Variants in ZIC5 observed in about 807,000 individuals in gnomAD.
The protein encoded by ZIC5 is zinc finger protein ZIC 5.
ZIC5 carries 20 observed loss-of-function variants against 28.5 expected under a neutral mutation model. The observed-to-expected ratio is 0.70, with a 90% CI of 0.49 to 1.02. The LOEUF (loss-of-function observed/expected upper bound fraction) is 1.02. ZIC5 is among the 50% of genes least tolerant of loss of function. The pLI is 0.00. For synonymous variants in ZIC5, 488 were observed against 410.4 expected (o/e 1.19, Z -2.29); for missense variants, 951 against 899.7 (o/e 1.06, Z -0.73).
At chr13:99,971,775 A>G, upstream of ZIC5, 1 of 1,455,798 alleles carries the variant, frequency 6.9e-7, no homozygotes, top group Admixed American at 2.1e-5. Flanking sequence ...AGTGAACACC[A>G]CATTTGAGCT....
chr13:99,970,075 G>A, intron 1 of ZIC5, 52 bp downstream of exon 1: 1 of 1,600,118 alleles, frequency 6.2e-7, no homozygotes, highest in African/African-American at 1.4e-5. Flanking sequence ...AAGCGGCGGC[G>A]GCGCAGGAGC....
chr13:99,970,868 G>C lies in ZIC5; in HGVS notation c.736C>G (p.Pro246Ala). The change falls in exon 1 of 2, where the codon CCA (proline) becomes GCA (alanine). Residue 246 changes from proline to alanine, a missense_variant. By Grantham distance (27) the Pro-to-Ala change is conservative (BLOSUM62 -1). Around this residue, in one of 3 missense-constraint regions of ZIC5, gnomAD observed 784 missense variants for 660.1 expected, o/e 1.19. Coordinates refer to ENST00000267294, the MANE Select transcript of ZIC5 (RefSeq NM_033132.5). The stretch of plus-strand genomic sequence containing the variant: ...TTGAGCGGGTGCGGGTGGCCGCCTG[G>C]GGCCCCCGGCGTGTCGTGCAGCGCG... ...FPALHDTPGA[P>A]GGHPHPLNGQ... is the part of the protein sequence containing the mutation. 3 of 1,270,022 alleles carry C rather than the reference G, an allele frequency of 2.4e-6. No homozygotes were observed. The highest frequency in any genetic ancestry group is 3.0e-6 in the Non-Finnish European group (3 of 1,016,184). The allele number at this position is 1,270,022 out of a possible 1,614,324, so 78.7% of individuals were successfully genotyped here. A position where few individuals can be genotyped will look rare whatever the true frequency, so the allele number is the denominator to read the frequency against.
rs749484113 is a variant in ZIC5 at position 99,971,535 on chromosome 13, G to T, written c.69C>A (p.Val23=). ...AGCCTGTCATATTCTGAAGCGGCTG[G>T]ACCTGAGCCGTTGCCAAATCCGCTA... ...LRLADLATAQ[V]QPLQNMTGFP... Residue 23 remains valine (V), a synonymous_variant, in exon 1 of 2, where the codon GTC becomes GTA. Coordinates refer to ENST00000267294, the MANE Select transcript of ZIC5 (RefSeq NM_033132.5). 4.5e-6 allele frequency: 7 copies of T among 1,552,016 alleles called. No individual in the cohort carries two copies. The South Asian group carries it at 5.9e-5, about 13-fold the overall frequency.
In ZIC5 at chr13:99,970,404, C is replaced by T. The variant is rs774077826; in HGVS notation, c.1200G>A (p.Pro400=). 1.6e-6 allele frequency: 2 copies of T among 1,244,848 alleles called. No individual in the cohort carries two copies. Among genetic ancestry groups the T allele is most frequent in the East Asian group, 3.5e-5 (1 of 28,698 alleles). The allele number at this position is 1,244,848 out of a possible 1,614,324, so 77.1% of individuals were successfully genotyped here. A position where few individuals can be genotyped will look rare whatever the true frequency, so the allele number is the denominator to read the frequency against. ...PPPPPPPPPP[P]AGGAKPCSKT... ...TGGAGCAGGGCTTGGCGCCGCCGGC[C>T]GGGGGCGGTGGCGGCGGCGGCGGCG... Residue 400 remains proline (P), a synonymous_variant, in exon 1 of 2, where the codon CCG becomes CCA. Coordinates refer to ENST00000267294, the MANE Select transcript of ZIC5 (RefSeq NM_033132.5).
At position 99,971,339 on chromosome 13, in the gene ZIC5, C is replaced by T; in HGVS notation, c.265G>A (p.Ala89Thr). 1 of 1,406,756 alleles carries T rather than the reference C, an allele frequency of 7.1e-7. No homozygotes were observed. The highest frequency in any genetic ancestry group is 9.2e-7 in the Non-Finnish European group (1 of 1,092,420). 87.1% of individuals were successfully genotyped at this position (1,406,756 alleles called of 1,614,324 possible). A position where few individuals can be genotyped will look rare whatever the true frequency, so the allele number is the denominator to read the frequency against. ...GCGGCTGCCGGAGCCTCCGGGTGTG[C>T]CGGGAACGCCTGGGAGGGAGGGCTG... ...GLSPPSQAFP[A>T]HPEAPAAAAR... The change falls in exon 1 of 2, where the codon GCA (alanine) becomes ACA (threonine). Residue 89 changes from alanine (A) to threonine (T), a missense_variant. Ala to Thr is a moderately conservative substitution (Grantham distance 58). This residue lies in a region of ZIC5 where 784 missense variants were observed against 660.1 expected (regional missense o/e 1.19). Transcript: ENST00000267294.
Position 99,971,033 on chromosome 13 carries a change from C to A in ZIC5, c.571G>T (p.Ala191Ser), listed in dbSNP as rs2053152454. 12 of 1,419,636 alleles carry A rather than the reference C, an allele frequency of 8.5e-6. No individual in the cohort carries two copies. The highest frequency in any genetic ancestry group is 1.1e-5 in the Non-Finnish European group (12 of 1,099,020). The allele number at this position is 1,419,636 out of a possible 1,614,324, so 87.9% of individuals were successfully genotyped here. A position where few individuals can be genotyped will look rare whatever the true frequency, so the allele number is the denominator to read the frequency against. ...ATAPAAAMHG[A>S]PLGGEQRSGT... ...GACCGCTGCTCCCCTCCGAGCGGGG[C>A]CCCGTGCATGGCCGCCGCGGGGGCC... is the stretch of plus-strand genomic sequence containing the variant. The change falls in exon 1 of 2, where the codon GCC (alanine) becomes TCC (serine). Residue 191 changes from alanine to serine, a missense_variant. This residue lies in a region of ZIC5 where 784 missense variants were observed against 660.1 expected (regional missense o/e 1.19). Coordinates refer to ENST00000267294, the MANE Select transcript of ZIC5 (RefSeq NM_033132.5).
Position 99,971,318 on chromosome 13 carries a change from C to G in ZIC5, c.286G>C (p.Ala96Pro). The G allele has an allele frequency of 7.3e-7, 1 of 1,373,454 alleles. No homozygotes were observed. The highest frequency in any genetic ancestry group is 9.3e-7 in the Non-Finnish European group (1 of 1,074,286). The allele number at this position is 1,373,454 out of a possible 1,614,324, so 85.1% of individuals were successfully genotyped here. The change falls in exon 1 of 2, where the codon GCC (alanine) becomes CCC (proline). Residue 96 changes from alanine (A) to proline (P), a missense_variant. By Grantham distance (27) the Ala-to-Pro change is conservative. Transcript: ENST00000267294. The part of the protein sequence containing the change: ...AFPAHPEAPA[A>P]AARAAALVAH... ...ACCAAGGCTGCAGCACGGGCGGCGG[C>G]TGCCGGAGCCTCCGGGTGTGCCGGG...
intron 1 of ZIC5, among the ~76,000 whole-genome samples, chr13:99,968,865 A>G (rs1486718510): frequency 7.2e-5 from 11 of 151,984 alleles, no homozygotes; most frequent in Non-Finnish European, 1.5e-4. Context: ...GGCCCGCAGG[A>G]GCCAAGCCAA....
chr13:99,965,477 G>A lies in ZIC5; in HGVS notation c.1820C>T (p.Ala607Val), dbSNP rs1006847867. ...GGAAGGGGTGTGGAGGTGGCTGGGG[G>A]CCCCACTGGCCTGGCAAACGTACCA... ...NEWYVCQASG[A>V]PSHLHTPSSN... Residue 607 changes from alanine (A) to valine (V), a missense_variant, in exon 2 of 2, where the codon GCC (alanine) becomes GTC (valine). This residue lies in a region of ZIC5 where 108 missense variants were observed against 118.4 expected (regional missense o/e 0.91). Transcript: ENST00000267294. 1.2e-6 allele frequency: 2 copies of A among 1,614,038 alleles called. No individual in the cohort carries two copies. The highest frequency in any genetic ancestry group is 1.3e-5 in the African/African-American group (1 of 75,036).
At chr13:99,969,238 G>A (rs558507895) in intron 1 of ZIC5, among the ~76,000 whole-genome samples, 68 of 152,258 alleles carry the variant, frequency 4.5e-4, no homozygotes, top group African/African-American at 1.6e-3. Flanking sequence ...CGACGCCGGT[G>A]GCTCCCCACC....
Position 99,970,747 on chromosome 13 carries a change from T to C in ZIC5, c.857A>G (p.Asp286Gly). 1.7e-6 allele frequency: 2 copies of C among 1,186,628 alleles called. No homozygotes were observed. Among genetic ancestry groups the C allele is most frequent in the Non-Finnish European group, 1.0e-6 (1 of 959,204 alleles). The allele number at this position is 1,186,628 out of a possible 1,614,324, so 73.5% of individuals were successfully genotyped here. A position where few individuals can be genotyped will look rare whatever the true frequency, so the allele number is the denominator to read the frequency against. Residue 286 changes from aspartate to glycine, a missense_variant, in exon 1 of 2, where the codon GAC becomes GGC. Around this residue, in one of 3 missense-constraint regions of ZIC5, gnomAD observed 784 missense variants for 660.1 expected, o/e 1.19. Coordinates refer to ENST00000267294, the MANE Select transcript of ZIC5 (RefSeq NM_033132.5). ...GGCCGCAACCGCCCCGTAGTGCGCG[T>C]CCCCAGAGCGCGGCGCGAAGGGCGG... ...AEPPFAPRSG[D>G]AHYGAVAAAA...
At chr13:99,970,074 C>A (rs1234637615) in intron 1 of ZIC5, 53 bp downstream of exon 1, 2 of 1,598,310 alleles carry the variant, frequency 1.3e-6, no homozygotes, top group South Asian at 1.1e-5. Flanking sequence ...GAAGCGGCGG[C>A]GGCGCAGGAG....
upstream of ZIC5, chr13:99,971,875 C>G (rs2053164207): frequency 3.0e-6 from 2 of 661,752 alleles, no homozygotes; most frequent in Non-Finnish European, 5.0e-6. Context: ...CGATTGGCTC[C>G]CGTTCAGGCC....
rs1466519992 is a variant in ZIC5 at position 99,970,407 on chromosome 13, G to A, written c.1197C>T (p.Pro399=). 6 of 1,192,644 alleles carry A rather than the reference G, an allele frequency of 5.0e-6. No homozygotes were observed. The highest frequency in any genetic ancestry group is 5.2e-6 in the Non-Finnish European group (5 of 966,414). The allele number at this position is 1,192,644 out of a possible 1,614,324, so 73.9% of individuals were successfully genotyped here. The change falls in exon 1 of 2, where the codon CCC becomes CCT. Residue 399 remains proline (P), a synonymous_variant. Coordinates refer to ENST00000267294, the MANE Select transcript of ZIC5 (RefSeq NM_033132.5). ...AGCAGGGCTTGGCGCCGCCGGCCGG[G>A]GGCGGTGGCGGCGGCGGCGGCGGCG... The part of the protein sequence containing the change: ...PPPPPPPPPP[P]PAGGAKPCSK...
rs1345185902 is a variant in ZIC5 at position 99,965,602 on chromosome 13, T to C, written c.1695A>G (p.Ser565=). The change falls in exon 2 of 2, where the codon TCA becomes TCG. Residue 565 remains serine (S), a synonymous_variant. Transcript: ENST00000267294. Reference sequence around the variant, plus strand: ...GGGCGCCCACTGGAGTCCCCACTGATGAGTAACCAAGGGGTCCTGGAGAAG... The same window carrying C: ...GGGCGCCCACTGGAGTCCCCACTGACGAGTAACCAAGGGGTCCTGGAGAAG... ...PPPSPGPLGY[S]SVGTPVGAPL... is the part of the protein sequence containing the mutation. 6.2e-7 allele frequency: 1 copy of C among 1,613,898 alleles called. No individual in the cohort carries two copies. Among genetic ancestry groups the C allele is most frequent in the African/African-American group, 1.3e-5 (1 of 74,878 alleles).
rs1448881267 is a variant in ZIC5 at position 99,964,803 on chromosome 13, G to A, written c.*574C>T. The stretch of plus-strand genomic sequence containing the variant: ...ACAAATGTTTTTGGACACAGGTACG[G>A]AACAGGATCTGTTGGCAATGCAGCA... On this transcript the variant is annotated 3_prime_UTR_variant, in exon 2 of 2. Transcript: ENST00000267294. The A allele has an allele frequency of 6.6e-6, 1 of 151,986 alleles. No homozygotes were observed. The highest frequency in any genetic ancestry group is 2.1e-4 in the South Asian group (1 of 4,812). 9.4% of individuals were successfully genotyped at this position (151,986 alleles called of 1,614,324 possible).
chr13:99,965,654 A>T lies in ZIC5; in HGVS notation c.1643T>A (p.Met548Lys). Residue 548 changes from methionine (M) to lysine (K), a missense_variant, in exon 2 of 2, where the codon ATG becomes AAG. Coordinates refer to ENST00000267294, the MANE Select transcript of ZIC5 (RefSeq NM_033132.5). ...TGGCGGGGACTTGCAGTGAATCTTC[A>T]TGTGCTTCCTCAGGGAGCTTGGGTG... is the stretch of plus-strand genomic sequence containing the variant. ...YTHPSSLRKH[M>K]KIHCKSPPPS... 6.2e-7 allele frequency: 1 copy of T among 1,614,168 alleles called. No individual in the cohort carries two copies. Among genetic ancestry groups the T allele is most frequent in the Non-Finnish European group, 8.5e-7 (1 of 1,180,032 alleles).
rs149855350 is a variant in ZIC5 at position 99,966,253 on chromosome 13, C to T, written c.1478-434G>A. 3.6e-3 allele frequency among the ~76,000 whole-genome samples: 541 copies of T among 152,042 alleles called. 7 individuals carry two copies. Among genetic ancestry groups the T allele is most frequent in the African/African-American group, 0.012 (509 of 41,452 alleles). ...TTCCAAAGCCACAGGCGGAAGTAAG[C>T]GTATAAGAAAAAGAGAAAAAAGCAA... On this transcript the variant is annotated intron_variant, in intron 1 of 1. Coordinates refer to ENST00000267294, the MANE Select transcript of ZIC5 (RefSeq NM_033132.5).
In ZIC5 at chr13:99,970,554, G is replaced by A; in HGVS notation, c.1050C>T (p.His350=). ...PAPAQHPHQH[H]PHLPGAAGAF... ...CCCCAGCCGCCCCTGGGAGGTGGGG[G>A]TGGTGCTGGTGCGGGTGCTGCGCGG... The change falls in exon 1 of 2, where the codon CAC becomes CAT. Residue 350 remains histidine, a synonymous_variant. Transcript: ENST00000267294. 1 of 1,063,976 alleles carries A rather than the reference G, an allele frequency of 9.4e-7. No homozygotes were observed. The highest frequency in any genetic ancestry group is 1.1e-6 in the Non-Finnish European group (1 of 880,936). 65.9% of individuals were successfully genotyped at this position (1,063,976 alleles called of 1,614,324 possible).
Sources: gnomAD v4.1 joint callset for allele counts (sites outside exome capture counted in the v4.1 genomes callset) on GRCh38, gnomAD v4.1.1 for gene constraint, gnomAD v4.1.1 regional missense constraint, MANE v1.5 for transcripts, NCBI Gene and HGNC (gene_info 2026-07-23, HGNC 2026-07-21) for gene names.